DCDC1: variants seen among roughly 807,000 people sequenced by gnomAD.
DCDC1 encodes the protein doublecortin domain containing 1.
Under a neutral mutation model 178.3 loss-of-function variants are expected in DCDC1, and 200 were observed. The observed-to-expected ratio is 1.12, with a 90% confidence interval of 1.00 to 1.26. DCDC1 has a LOEUF of 1.26. Among genes scored for constraint, DCDC1 ranks in the 50% most tolerant of loss-of-function variants. The pLI, the probability that DCDC1 is intolerant of heterozygous loss-of-function variation, is 0.00. For synonymous variants in DCDC1, 690 were observed against 604.8 expected, an observed-to-expected ratio of 1.14 and a Z score of -2.07; for missense variants, 1,983 against 1,749.2, an observed-to-expected ratio of 1.13 and a Z score of -2.38.
rs1565441604 is a variant in DCDC1, at chr11:31,213,099, G to GCCTCTCTCTTTCTCTCTCTCT, written c.1221+28350_1221+28351insAGAGAGAGAGAAAGAGAGAGG. 1.4e-4 allele frequency among the ~76,000 whole-genome samples: 4 copies of GCCTCTCTCTTTCTCTCTCTCT among 29,458 alleles called. 1 individual carries two copies. Among genetic ancestry groups the GCCTCTCTCTTTCTCTCTCTCT allele is most frequent in the Non-Finnish European group, 2.6e-4 (4 of 15,150 alleles). 19.3% of individuals were successfully genotyped at this position (29,458 alleles called of 152,430 possible). The stretch of plus-strand genomic sequence containing the variant: ...TGTGTCATCTTCTATATAAAGCCCA[G>GCCTCTCTCTTTCTCTCTCTCT]CCTCTCTCTCTCTCTCTCTCTCTCT... On this transcript the variant is annotated intron_variant, in intron 9 of 38. Coordinates refer to ENST00000684477, the MANE Select transcript of DCDC1 (RefSeq NM_001387274.1).
At chr11:31,125,185 T>G (rs1431591922) in intron 11 of DCDC1, among the ~76,000 whole-genome samples, 2 of 152,106 alleles carry the variant, frequency 1.3e-5, no homozygotes, top group African/African-American at 2.4e-5. Flanking sequence ...AAGCTTAACA[T>G]CACTGATCGT....
intron 10 of DCDC1, among the ~76,000 whole-genome samples, chr11:31,133,057 A>G (rs1410953761): frequency 6.6e-6 from 1 of 152,230 alleles, no homozygotes; most frequent in Non-Finnish European, 1.5e-5. Context: ...TTATAGTCAG[A>G]GCAAAGTGTT....
At chr11:31,289,656 T>G (rs935693774) in intron 7 of DCDC1, among the ~76,000 whole-genome samples, 3 of 152,078 alleles carry the variant, frequency 2.0e-5, no homozygotes, top group African/African-American at 7.2e-5. Flanking sequence ...TAATTTCTGT[T>G]AGGTGCATAT....
chr11:31,227,669 A>G (rs939325366), intron 9 of DCDC1, among the ~76,000 whole-genome samples: 3 of 152,188 alleles, frequency 2.0e-5, no homozygotes, highest in African/African-American at 7.2e-5. Flanking sequence ...ATTAATAATT[A>G]TATTAAATGT....
chr11:31,328,028 C>A, intron 3 of DCDC1, 89 bp downstream of exon 3: 1 of 1,380,184 alleles, frequency 7.2e-7, no homozygotes, highest in Non-Finnish European at 9.6e-7. Context: ...CCTGGCCCGG[C>A]CAAGACTGAT....
At chr11:31,196,290 C>T (rs1016982572) in intron 9 of DCDC1, among the ~76,000 whole-genome samples, 1 of 152,010 alleles carries the variant, frequency 6.6e-6, no homozygotes, top group Non-Finnish European at 1.5e-5. Flanking sequence ...AACCAATCCT[C>T]CAAGTCTCTG....
At chr11:31,107,516 T>C (rs1278778845) in intron 12 of DCDC1, among the ~76,000 whole-genome samples, 2 of 152,202 alleles carry the variant, frequency 1.3e-5, no homozygotes, top group African/African-American at 4.8e-5. Flanking sequence ...ACATCTTCAA[T>C]AATGAATGTT....
chr11:30,979,895 G>T (rs1008859211), intron 20 of DCDC1, among the ~76,000 whole-genome samples: 2 of 152,002 alleles, frequency 1.3e-5, no homozygotes, highest in Non-Finnish European at 2.9e-5. Context: ...AGCAAAATTG[G>T]GACATTTTCT....
At chr11:31,321,250 C>G (rs1208219411) in intron 3 of DCDC1, among the ~76,000 whole-genome samples, 2 of 79,812 alleles carry the variant, frequency 2.5e-5, no homozygotes, top group Non-Finnish European at 5.0e-5. Context: ...GCCCCTCCCC[C>G]AGCCTCGTTG....
intron 34 of DCDC1, 65 bp downstream of exon 34, chr11:30,899,476 C>A (rs535806007): frequency 2.3e-5 from 24 of 1,049,700 alleles, no homozygotes; most frequent in Non-Finnish European, 3.0e-5. Context: ...TAGAAAATAA[C>A]CATTAGCAAT....
At chr11:31,082,407 A>G (rs559731520) in intron 17 of DCDC1, among the ~76,000 whole-genome samples, 1 of 152,278 alleles carries the variant, frequency 6.6e-6, no homozygotes, top group Non-Finnish European at 1.5e-5. Flanking sequence ...CTCTGAAATC[A>G]TATGACTTCC....
At chr11:30,965,391 C>T (rs1055272560) in intron 20 of DCDC1, among the ~76,000 whole-genome samples, 1 of 152,150 alleles carries the variant, frequency 6.6e-6, no homozygotes, top group East Asian at 1.9e-4. Context: ...CCCTCTGAAC[C>T]TATAGCTTCT....
At chr11:31,274,012 C>G (rs1310464732) in intron 7 of DCDC1, among the ~76,000 whole-genome samples, 3 of 152,142 alleles carry the variant, frequency 2.0e-5, no homozygotes, top group African/African-American at 7.2e-5. Flanking sequence ...TACCTCCCAC[C>G]TGGGTGCCTC....
chr11:30,963,692 C>T (rs938783617), intron 20 of DCDC1, among the ~76,000 whole-genome samples: 10 of 152,232 alleles, frequency 6.6e-5, no homozygotes, highest in African/African-American at 2.2e-4. Flanking sequence ...ACCTAACCAG[C>T]TCTGTAGCAC....
intron 32 of DCDC1, among the ~76,000 whole-genome samples, chr11:30,901,799 C>T (rs1167178246): frequency 1.3e-5 from 2 of 152,120 alleles, no homozygotes; most frequent in Admixed American, 1.3e-4. Context: ...ATATATGCTT[C>T]AGCAATCAGC....
In DCDC1 at chr11:30,899,560, G is replaced by T. The variant is rs1030250237; in HGVS notation, c.4746C>A (p.His1582Gln). ...RILADLDTMRHKMRQLKGRRV... is the reference protein window; with the variant it reads ...RILADLDTMRQKMRQLKGRRV... ...ACTGACCTTTTAACTGTCTCATTTT[G>T]TGTCTCATGGTATCTAGATCAGCCA... The change falls in exon 34 of 39, where the codon CAC becomes CAA. Residue 1582 changes from histidine to glutamine, a missense_variant. Coordinates refer to ENST00000684477, the MANE Select transcript of DCDC1 (RefSeq NM_001387274.1). The T allele has an allele frequency of 2.5e-6, 4 of 1,572,680 alleles. No individual in the cohort carries two copies. Among genetic ancestry groups the T allele is most frequent in the African/African-American group, 1.4e-5 (1 of 73,564 alleles).
At chr11:30,940,761 T>G (rs371701495) in intron 21 of DCDC1, among the ~76,000 whole-genome samples, 43 of 152,328 alleles carry the variant, frequency 2.8e-4, no homozygotes, top group African/African-American at 9.9e-4. Flanking sequence ...CATTGGTTTC[T>G]GCTCTTACAA....
intron 38 of DCDC1, among the ~76,000 whole-genome samples, chr11:30,873,344 CATAT>C (rs71481498): frequency 1.6e-4 from 22 of 134,036 alleles, no homozygotes; most frequent in Admixed American, 2.3e-4. Context: ...TGTGTATATA[CATAT>C]ATATATATAT....
chr11:30,930,042 A>G (rs1254282243), intron 22 of DCDC1, among the ~76,000 whole-genome samples: 1 of 152,154 alleles, frequency 6.6e-6, no homozygotes, highest in African/African-American at 2.4e-5. Context: ...AAGTATATCT[A>G]TATTTCATAC....
Sources: allele counts gnomAD v4.1 joint callset (sites outside exome capture counted in the v4.1 genomes callset), GRCh38; gene constraint gnomAD v4.1.1; transcripts MANE v1.5; gene names NCBI Gene and HGNC (gene_info 2026-07-23, HGNC 2026-07-21).